CAPZA2: variants seen among roughly 807,000 people sequenced by gnomAD.
CAPZA2 encodes F-actin-capping protein subunit alpha-2.
CAPZA2 carries 13 observed loss-of-function variants against 44.0 expected under a neutral mutation model. That is an observed-to-expected ratio of 0.30 (90% CI 0.19 to 0.47). CAPZA2 has a LOEUF of 0.47. Among genes scored for constraint, CAPZA2 ranks in the 20% least tolerant of loss-of-function variants. The pLI, the probability that CAPZA2 is intolerant of heterozygous loss-of-function variation, is 1.00. For synonymous variants in CAPZA2, 94 were observed against 108.2 expected (o/e 0.87, Z 0.81); for missense variants, 244 against 338.6 (o/e 0.72, Z 2.19).
At chr7:116,868,460 C>T (rs957907581) in intron 1 of CAPZA2, among the ~76,000 whole-genome samples, 7 of 152,088 alleles carry the variant, frequency 4.6e-5, no homozygotes, top group Admixed American at 2.0e-4. Flanking sequence ...TGGCTGGGCG[C>T]GGTGACTCAC....
At chr7:116,894,860 G>C (rs75305054) in intron 3 of CAPZA2, among the ~76,000 whole-genome samples, 9,195 of 152,100 alleles carry the variant, frequency 0.06, 928 homozygotes, top group African/African-American at 0.21. Context: ...ATAATATTCT[G>C]TTGTATCTGT....
chr7:116,913,084 G>A (rs2115979960), intron 8 of CAPZA2, among the ~76,000 whole-genome samples: 1 of 152,040 alleles, frequency 6.6e-6, no homozygotes, highest in South Asian at 2.1e-4. Context: ...TCTTTTGGGG[G>A]GAAATACCTA....
At chr7:116,895,638 T>C (rs779771474) in intron 3 of CAPZA2, among the ~76,000 whole-genome samples, 4 of 151,924 alleles carry the variant, frequency 2.6e-5, no homozygotes, top group African/African-American at 4.8e-5. Flanking sequence ...TTTCTTTGCA[T>C]GTAGTTATAA....
chr7:116,905,690 TAGAG>T (rs1389648451), intron 5 of CAPZA2, among the ~76,000 whole-genome samples: 2 of 152,240 alleles, frequency 1.3e-5, no homozygotes, highest in African/African-American at 4.8e-5. Context: ...GAGTACTTGT[TAGAG>T]AGTCCTCATT....
chr7:116,894,091 C>T (rs1045463041), intron 3 of CAPZA2, among the ~76,000 whole-genome samples: 4 of 151,968 alleles, frequency 2.6e-5, no homozygotes, highest in Non-Finnish European at 4.4e-5. Flanking sequence ...TGGCTGGGTG[C>T]GGTGGCTCAC....
intron 2 of CAPZA2, among the ~76,000 whole-genome samples, chr7:116,890,152 G>C (rs1477298467): frequency 1.3e-5 from 2 of 152,044 alleles, no homozygotes; most frequent in East Asian, 3.9e-4. Context: ...TAAATGCCCT[G>C]CATATTTAAT....
chr7:116,911,451 A>G (rs1418441531), intron 7 of CAPZA2, among the ~76,000 whole-genome samples: 1 of 152,226 alleles, frequency 6.6e-6, no homozygotes, highest in Non-Finnish European at 1.5e-5. Context: ...CTACCTGTAT[A>G]TATTTCTACA....
At chr7:116,891,311 A>T (rs1796843926) in intron 2 of CAPZA2, among the ~76,000 whole-genome samples, 1 of 152,210 alleles carries the variant, frequency 6.6e-6, no homozygotes, top group African/African-American at 2.4e-5. Flanking sequence ...TCCATGCAAT[A>T]TCGCTGTTCA....
At chr7:116,867,612 C>G (rs1203272578) in intron 1 of CAPZA2, among the ~76,000 whole-genome samples, 1 of 127,526 alleles carries the variant, frequency 7.8e-6, no homozygotes, top group African/African-American at 3.0e-5. Context: ...GAGACAGATT[C>G]TCACTCTGTC....
chr7:116,900,288 A>T (rs1189168232), intron 4 of CAPZA2, among the ~76,000 whole-genome samples: 1 of 151,886 alleles, frequency 6.6e-6, no homozygotes, highest in Non-Finnish European at 1.5e-5. Flanking sequence ...ATAAATGGAG[A>T]TGTAGCAAAT....
intron 6 of CAPZA2, chr7:116,906,850 C>T (rs1467029557): frequency 1.3e-5 from 2 of 152,282 alleles, no homozygotes; most frequent in Non-Finnish European, 1.5e-5. Flanking sequence ...TCCATTATTC[C>T]TTATAAACTT....
chr7:116,867,685 G>A (rs1796499423), intron 1 of CAPZA2, among the ~76,000 whole-genome samples: 1 of 150,328 alleles, frequency 6.7e-6, no homozygotes, highest in Non-Finnish European at 1.5e-5. Flanking sequence ...CCAGGCCCAA[G>A]CAATTCTCCT....
chr7:116,914,428 TACATACAC>T (rs940067064), intron 8 of CAPZA2, among the ~76,000 whole-genome samples: 4 of 114,394 alleles, frequency 3.5e-5, no homozygotes, highest in East Asian at 6.8e-4. Flanking sequence ...TACATATACA[TACATACAC>T]ACACACACAC....
At chr7:116,872,618 TA>T (rs1796566706) in intron 1 of CAPZA2, among the ~76,000 whole-genome samples, 2 of 152,198 alleles carry the variant, frequency 1.3e-5, no homozygotes. Flanking sequence ...TTAAATGTCA[TA>T]AAGTTCAAAA....
chr7:116,865,797 G>C (rs1313984021), intron 1 of CAPZA2, among the ~76,000 whole-genome samples: 2 of 151,982 alleles, frequency 1.3e-5, no homozygotes, highest in African/African-American at 4.8e-5. Flanking sequence ...GTCCAGGGTG[G>C]TCTCACACTC....
In CAPZA2 at chr7:116,914,489, G is replaced by T. The variant is rs189551889; in HGVS notation, c.658-1571G>T. ...CACACACGTATTTTTTTGAGACAGGGTGTCACTCTGTTGCCCAGGTTACAG... is the reference window on the plus strand; with the variant it reads ...CACACACGTATTTTTTTGAGACAGGTTGTCACTCTGTTGCCCAGGTTACAG... On this transcript the variant is annotated intron_variant, in intron 8 of 9. Coordinates refer to ENST00000361183, the MANE Select transcript of CAPZA2 (RefSeq NM_006136.3). 6.7e-4 allele frequency among the ~76,000 whole-genome samples: 101 copies of T among 151,644 alleles called. 1 individual carries two copies. The highest frequency in any genetic ancestry group is 2.3e-3 in the African/African-American group (93 of 41,274).
intron 4 of CAPZA2, among the ~76,000 whole-genome samples, chr7:116,903,230 A>AAGAG (rs200298830): frequency 6.1e-5 from 6 of 98,784 alleles, no homozygotes; most frequent in African/African-American, 2.7e-4. Context: ...AGATGCAGAG[A>AAGAG]AGAGTGTGTG....
chr7:116,904,558 A>T, intron 5 of CAPZA2, 175 bp downstream of exon 5: 1 of 567,096 alleles, frequency 1.8e-6, no homozygotes, highest in Non-Finnish European at 3.1e-6. Context: ...ATAAATAGAT[A>T]TACTAGGATG....
intron 1 of CAPZA2, chr7:116,873,389 A>G (rs1246254360): frequency 6.6e-6 from 1 of 151,742 alleles, no homozygotes; most frequent in African/African-American, 2.4e-5. Context: ...TTATACTTTC[A>G]TCTCCTTTAA....
Sources: gnomAD v4.1 joint callset for allele counts (sites outside exome capture counted in the v4.1 genomes callset) on GRCh38, gnomAD v4.1.1 for gene constraint, MANE v1.5 for transcripts, NCBI Gene and HGNC (gene_info 2026-07-23, HGNC 2026-07-21) for gene names.